The following BID variants were observed in gnomAD, a reference collection of about 807,000 sequenced individuals.
BID encodes BH3-interacting domain death agonist.
BID carries 19 observed loss-of-function variants against 17.4 expected under a neutral mutation model. That is an observed-to-expected ratio of 1.09 (90% CI 0.76 to 1.60). The LOEUF is 1.60. BID is among the 40% of genes most tolerant of loss of function. The pLI is 0.00. For synonymous variants in BID, 108 were observed against 102.8 expected, an observed-to-expected ratio of 1.05 and a Z score of -0.31; for missense variants, 226 against 256.0, an observed-to-expected ratio of 0.88 and a Z score of 0.80.
chr22:17,768,511 G>C (rs2061694583), intron 1 of BID, among the ~76,000 whole-genome samples: 1 of 152,208 alleles, frequency 6.6e-6, no homozygotes. Context: ...AGCTACTCCA[G>C]AATCCCTGGT....
intron 2 of BID, among the ~76,000 whole-genome samples, chr22:17,748,565 A>G (rs533329158): frequency 1.9e-4 from 29 of 152,328 alleles, no homozygotes; most frequent in African/African-American, 7.0e-4. Flanking sequence ...TTATGATGGG[A>G]AAAAAGGCTG....
At chr22:17,748,369 G>C (rs1346700792) in intron 2 of BID, among the ~76,000 whole-genome samples, 4 of 151,288 alleles carry the variant, frequency 2.6e-5, no homozygotes, top group African/African-American at 9.7e-5. Flanking sequence ...TGAGCCGGGC[G>C]TGGTGGCGGG....
Position 17,738,174 on chromosome 22 carries a change from C to G in BID, c.419G>C (p.Arg140Thr). 2 of 1,613,258 alleles carry G rather than the reference C, an allele frequency of 1.2e-6. No homozygotes were observed. Among genetic ancestry groups the G allele is most frequent in the Non-Finnish European group, 1.7e-6 (2 of 1,180,030 alleles). The change falls in exon 5 of 6, where the codon AGA (arginine) becomes ACA (threonine). Residue 140 changes from arginine to threonine, a missense_variant. Physicochemically the swap from Arg to Thr is moderately conservative, Grantham distance 71. Transcript: ENST00000622694. ...CATGGTCTTCTCCTTCTCCATGTCT[C>G]TAGGGTAGGCCTGCAGCAGCTGCTC... ...ALEQLLQAYP[R>T]DMEKEKTMLV...
At chr22:17,751,859 C>T (rs1158335605) in intron 1 of BID, among the ~76,000 whole-genome samples, 3 of 152,200 alleles carry the variant, frequency 2.0e-5, no homozygotes, top group Non-Finnish European at 2.9e-5. Flanking sequence ...CATCTGCCGG[C>T]TCCACAGCAG....
chr22:17,748,558 T>C (rs1158741284), intron 2 of BID, among the ~76,000 whole-genome samples: 1 of 151,858 alleles, frequency 6.6e-6, no homozygotes, highest in Non-Finnish European at 1.5e-5. Flanking sequence ...ATTAAAGTTA[T>C]GATGGGAAAA....
At chr22:17,736,438 C>CA (rs934367340) in intron 5 of BID, among the ~76,000 whole-genome samples, 3 of 123,464 alleles carry the variant, frequency 2.4e-5, no homozygotes, top group African/African-American at 9.6e-5. Flanking sequence ...GCCTGGGCAA[C>CA]AAGAGCAAAA....
At chr22:17,748,505 CA>C (rs34220742) in intron 2 of BID, among the ~76,000 whole-genome samples, 30,586 of 142,652 alleles carry the variant, frequency 0.21, 3,522 homozygotes, top group African/African-American at 0.29. Flanking sequence ...GACTCAATCT[CA>C]AAAAAAAAAA....
chr22:17,761,571 A>G lies in BID; in HGVS notation c.-58-11397T>C, dbSNP rs188778852. Among the ~76,000 whole-genome samples, 1,417 of 151,898 alleles carry G rather than the reference A, an allele frequency of 9.3e-3. 20 individuals carry two copies. Among genetic ancestry groups the G allele is most frequent in the African/African-American group, 0.033 (1,354 of 41,416 alleles). ...CTCAGCCTCCCGAGTAGCTGGGACT[A>G]CAGGCGCCCGCCACCACGCCCGGCT... On this transcript the variant is annotated intron_variant, in intron 1 of 5. Coordinates refer to ENST00000622694, the MANE Select transcript of BID (RefSeq NM_001196.4).
intron 1 of BID, among the ~76,000 whole-genome samples, chr22:17,762,479 G>C (rs1291354796): frequency 6.6e-6 from 1 of 152,106 alleles, no homozygotes; most frequent in Admixed American, 6.6e-5. Flanking sequence ...CTGGTCAACA[G>C]AGCAAGACTC....
intron 3 of BID, chr22:17,740,510 A>C (rs1601837761): frequency 4.3e-6 from 1 of 232,590 alleles, no homozygotes; most frequent in Non-Finnish European, 8.8e-6. Flanking sequence ...GCTCACTGCA[A>C]CCTTCGCCTC....
intron 1 of BID, among the ~76,000 whole-genome samples, chr22:17,772,307 G>A (rs1225046166): frequency 6.6e-6 from 1 of 152,260 alleles, no homozygotes. Flanking sequence ...CTGCTAATTA[G>A]GCCCTGTGAG....
chr22:17,739,515 CAG>C, intron 3 of BID, 27 bp from the exon 4 acceptor site: 1 of 1,600,208 alleles, frequency 6.2e-7, no homozygotes, highest in Non-Finnish European at 8.5e-7. Context: ...GCGGCAGAGA[CAG>C]AGCAGACTCA....
At chr22:17,739,220 G>T (rs8190332) in intron 4 of BID, 129 bp downstream of exon 4, 2 of 1,247,402 alleles carry the variant, frequency 1.6e-6, no homozygotes, top group Admixed American at 2.9e-5. Context: ...CAGTTACTTC[G>T]TCAGAGTTCT....
At chr22:17,755,087 T>C (rs867017042) in intron 1 of BID, among the ~76,000 whole-genome samples, 2,617 of 141,204 alleles carry the variant, frequency 0.019, 63 homozygotes, top group African/African-American at 0.064. Context: ...CTTTTCTTTT[T>C]TTTTTTTTTT....
At chr22:17,765,945 T>C (rs985766607) in intron 1 of BID, among the ~76,000 whole-genome samples, 2 of 152,238 alleles carry the variant, frequency 1.3e-5, no homozygotes, top group Non-Finnish European at 2.9e-5. Context: ...TTATTATTAT[T>C]GGAGACAGGG....
chr22:17,757,888 C>T (rs967951566), intron 1 of BID, among the ~76,000 whole-genome samples: 3 of 152,160 alleles, frequency 2.0e-5, no homozygotes, highest in Non-Finnish European at 2.9e-5. Flanking sequence ...AGCTACCCAT[C>T]GATCCGTTAC....
In BID at chr22:17,773,442, C is replaced by T. The variant is rs570708652; in HGVS notation, c.-59+939G>A. Among the ~76,000 whole-genome samples, 3 of 152,184 alleles carry T rather than the reference C, an allele frequency of 2.0e-5. No homozygotes were observed. Among genetic ancestry groups the T allele is most frequent in the Non-Finnish European group, 4.4e-5 (3 of 68,030 alleles). On this transcript the variant is annotated intron_variant, in intron 1 of 5. Transcript: ENST00000622694. The surrounding 1 kb of genome is among the most constrained non-coding windows in gnomAD (Gnocchi z 4.4). ...AAAACCGCATCCTCTGCAGCTCCCC[C>T]ACAGTGAGAGCGAGGACTGAGGGTG... is the stretch of plus-strand genomic sequence containing the variant.
At chr22:17,752,964 C>CTTT (rs34597946) in intron 1 of BID, among the ~76,000 whole-genome samples, 15 of 85,180 alleles carry the variant, frequency 1.8e-4, no homozygotes, top group East Asian at 3.9e-4. Context: ...CGCGCCCAGT[C>CTTT]TTTTTTTTTT....
rs1322217198 is a variant in BID at position 17,735,722 on chromosome 22, A to G, written c.577-131T>C. The G allele has an allele frequency of 3.7e-6, 4 of 1,088,282 alleles. No individual in the cohort carries two copies. In the African/African-American group the frequency reaches 4.7e-5, roughly 13 times the overall value. 67.4% of individuals were successfully genotyped at this position (1,088,282 alleles called of 1,614,324 possible). ...ATGTTCTCCAGACCCCTGAAGTCCTATCCGTGCATCCTACTTTTTGCTACA... is the reference window on the plus strand; with the variant it reads ...ATGTTCTCCAGACCCCTGAAGTCCTGTCCGTGCATCCTACTTTTTGCTACA... On this transcript the variant is annotated intron_variant, in intron 5 of 5. Coordinates refer to ENST00000622694, the MANE Select transcript of BID (RefSeq NM_001196.4).
Sources: allele counts gnomAD v4.1 joint callset (sites outside exome capture counted in the v4.1 genomes callset), GRCh38; gene constraint gnomAD v4.1.1; non-coding constraint Gnocchi (gnomAD v3.1); transcripts MANE v1.5; gene names NCBI Gene and HGNC (gene_info 2026-07-23, HGNC 2026-07-21).